Variants in GUSB observed in about 807,000 individuals in gnomAD.
The protein encoded by GUSB is beta-glucuronidase.
In GUSB, 51 loss-of-function variants were observed where a neutral mutation model predicts 74.6. The ratio of observed to expected loss-of-function variants is 0.68; its 90% CI spans 0.55 to 0.86. The LOEUF (loss-of-function observed/expected upper bound fraction) is 0.86, where lower values mean the gene tolerates loss of function less well. Ranked by LOEUF, GUSB falls within the 40% of genes least tolerant of loss-of-function variation. The probability of loss-of-function intolerance (pLI) is 0.00; values close to 1 mark genes in which losing one functional copy is unlikely to be tolerated. For synonymous variants in GUSB, 360 were observed against 348.3 expected (o/e 1.03, Z -0.37); for missense variants, 736 against 853.7 (o/e 0.86, Z 1.72).
chr7:65,979,695 G>A (rs1791853902), intron 3 of GUSB, 32 bp downstream of exon 3: 1 of 1,605,246 alleles, frequency 6.2e-7, no homozygotes, highest in Non-Finnish European at 8.5e-7. Context: ...CGGGAAGGTG[G>A]GTGTGTGCAA....
At position 65,980,297 on chromosome 7, in the gene GUSB, G is replaced by A. The variant is rs1268678201; in HGVS notation, c.323C>T (p.Pro108Leu). 23 of 1,611,884 alleles carry A rather than the reference G, an allele frequency of 1.4e-5. No individual in the cohort carries two copies. The highest frequency in any genetic ancestry group is 3.4e-5 in the Admixed American group (2 of 59,542). ...WVWYEREVIL[P>L]ERWTQDLRTR... ...GCGCAGGTCCTGGGTCCATCGCTCC[G>A]GCAGGATCACCTCCCGTTCGTACCA... is the stretch of plus-strand genomic sequence containing the variant. The change falls in exon 2 of 12, where the codon CCG becomes CTG. Residue 108 changes from proline to leucine, a missense_variant. This residue lies in a region of GUSB where 368 missense variants were observed against 363.8 expected (regional missense o/e 1.01). Transcript: ENST00000304895.
At chr7:65,973,919 G>C (rs975566320) in intron 8 of GUSB, among the ~76,000 whole-genome samples, 1 of 150,904 alleles carries the variant, frequency 6.6e-6, no homozygotes, top group Non-Finnish European at 1.5e-5. Flanking sequence ...CAACCAGAGT[G>C]AGAACCCATT....
intron 10 of GUSB, among the ~76,000 whole-genome samples, chr7:65,967,119 G>C (rs1790887886): frequency 2.0e-5 from 3 of 152,160 alleles, no homozygotes; most frequent in Admixed American, 1.3e-4. Flanking sequence ...CCAGAGGTTA[G>C]GGCTTTGTCC....
chr7:65,967,075 C>G (rs1212085974), intron 10 of GUSB, among the ~76,000 whole-genome samples: 1 of 152,054 alleles, frequency 6.6e-6, no homozygotes, highest in African/African-American at 2.4e-5. Context: ...GGGATGAAAA[C>G]CCAGGAGAGA....
chr7:65,967,637 G>A lies in GUSB; in HGVS notation c.1653+94C>T, dbSNP rs560162692. The stretch of plus-strand genomic sequence containing the variant: ...GAGGAGAGCCCAAAGCTGAAGCGAG[G>A]GGAGCAGTGCAGTGGGCGCAGGTCA... On this transcript the variant is annotated intron_variant, in intron 10 of 11. Coordinates refer to ENST00000304895, the MANE Select transcript of GUSB (RefSeq NM_000181.4). The A allele has an allele frequency of 2.5e-5, 26 of 1,040,842 alleles. No homozygotes were observed. In the African/African-American group the frequency reaches 3.3e-4, roughly 13 times the overall value. The allele number at this position is 1,040,842 out of a possible 1,614,324, so 64.5% of individuals were successfully genotyped here.
At chr7:65,966,868 G>T (rs2115864139) in intron 10 of GUSB, among the ~76,000 whole-genome samples, 1 of 152,254 alleles carries the variant, frequency 6.6e-6, no homozygotes, top group Non-Finnish European at 1.5e-5. Context: ...GATCAATTGA[G>T]TCCAGGAGTT....
chr7:65,963,048 G>A (rs1790603744), intron 11 of GUSB, among the ~76,000 whole-genome samples: 3 of 151,976 alleles, frequency 2.0e-5, no homozygotes, highest in Admixed American at 1.3e-4. Context: ...AGTAGAGATG[G>A]GGTTTCTCCA....
intron 9 of GUSB, among the ~76,000 whole-genome samples, chr7:65,969,949 A>G (rs1288248183): frequency 6.6e-6 from 1 of 152,196 alleles, no homozygotes; most frequent in African/African-American, 2.4e-5. Flanking sequence ...GGATTGAGAA[A>G]GCCACACTGC....
chr7:65,964,863 G>C (rs1471962958), intron 10 of GUSB, among the ~76,000 whole-genome samples: 1 of 152,016 alleles, frequency 6.6e-6, no homozygotes, highest in South Asian at 2.1e-4. Flanking sequence ...GAGCCCAGGT[G>C]TTCAAGACCA....
intron 9 of GUSB, among the ~76,000 whole-genome samples, chr7:65,968,513 A>G (rs913135151): frequency 6.6e-6 from 1 of 152,160 alleles, no homozygotes. Flanking sequence ...CACTCCCATC[A>G]CTGGGCTTCC....
intron 4 of GUSB, among the ~76,000 whole-genome samples, chr7:65,977,592 G>A (rs970240204): frequency 2.0e-5 from 3 of 150,978 alleles, no homozygotes; most frequent in African/African-American, 7.3e-5. Flanking sequence ...GTCTCAGTAT[G>A]TTGCCCAGGC....
intron 10 of GUSB, among the ~76,000 whole-genome samples, chr7:65,965,725 A>G (rs1005746463): frequency 1.5e-4 from 23 of 152,148 alleles, no homozygotes; most frequent in African/African-American, 4.8e-4. Context: ...GATGGGGTCT[A>G]TGTTGCACAG....
chr7:65,966,052 C>A (rs1360794058), intron 10 of GUSB, among the ~76,000 whole-genome samples: 1 of 152,264 alleles, frequency 6.6e-6, no homozygotes, highest in African/African-American at 2.4e-5. Flanking sequence ...TGCCTGTAAT[C>A]CCAGCTACTC....
intron 8 of GUSB, among the ~76,000 whole-genome samples, chr7:65,970,957 GA>G (rs1791166057): frequency 6.6e-6 from 1 of 151,398 alleles, no homozygotes. Context: ...TCCCTAACTT[GA>G]GATGTATTTT....
chr7:65,973,218 G>A (rs930158173), intron 8 of GUSB, among the ~76,000 whole-genome samples: 5 of 152,176 alleles, frequency 3.3e-5, no homozygotes, highest in African/African-American at 4.8e-5. Flanking sequence ...CTGGGAGGCC[G>A]AGGTAAGTGG....
At chr7:65,968,230 C>CAAAAAA (rs60554800) in intron 9 of GUSB, among the ~76,000 whole-genome samples, 1 of 123,390 alleles carries the variant, frequency 8.1e-6, no homozygotes, top group African/African-American at 3.4e-5. Flanking sequence ...CCATTTCTAC[C>CAAAAAA]AAAAAAAAAA....
Position 65,974,658 on chromosome 7 carries a change from T to C in GUSB, c.1112A>G (p.Asn371Ser), listed in dbSNP as rs1791442779. Residue 371 changes from asparagine (N) to serine (S), a missense_variant, in exon 7 of 12, where the codon AAC becomes AGC. By Grantham distance (46) the Asn-to-Ser change is conservative. Transcript: ENST00000304895. ...FDWPLLVKDF[N>S]LLRWLGANAF... ...GTTGGCACCAAGCCAGCGAAGCAGG[T>C]TGAAGTCCTTCACCAGCAGCGGCCA... 1.9e-6 allele frequency: 3 copies of C among 1,613,758 alleles called. No individual in the cohort carries two copies. Among genetic ancestry groups the C allele is most frequent in the Middle Eastern group, 1.7e-4 (1 of 5,914 alleles).
At chr7:65,971,179 A>ATTTAT (rs2115912029) in intron 8 of GUSB, among the ~76,000 whole-genome samples, 1 of 152,284 alleles carries the variant, frequency 6.6e-6, no homozygotes, top group South Asian at 2.1e-4. Context: ...TTTGGGAGGG[A>ATTTAT]TATTTATTAA....
intron 4 of GUSB, among the ~76,000 whole-genome samples, chr7:65,978,390 G>A (rs1161931562): frequency 6.6e-6 from 1 of 152,018 alleles, no homozygotes; most frequent in South Asian, 2.1e-4. Flanking sequence ...GGAGGTTGCA[G>A]TGAGCCAAGA....
Sources: allele counts gnomAD v4.1 joint callset (sites outside exome capture counted in the v4.1 genomes callset), GRCh38; gene constraint gnomAD v4.1.1; regional missense constraint gnomAD v4.1.1; transcripts MANE v1.5; gene names NCBI Gene and HGNC (gene_info 2026-07-23, HGNC 2026-07-21).